Variants in PER1 observed in about 807,000 individuals in gnomAD.
The protein encoded by PER1 is period circadian protein homolog 1.
PER1 carries 87 observed loss-of-function variants against 125.9 expected under a neutral mutation model. That is an observed-to-expected ratio of 0.69 (90% CI 0.58 to 0.83). PER1 has a LOEUF of 0.83. PER1 is among the 40% of genes least tolerant of loss of function. The probability of loss-of-function intolerance (pLI) is 0.00; values close to 1 mark genes in which losing one functional copy is unlikely to be tolerated. For synonymous variants in PER1, 801 were observed against 714.7 expected, an observed-to-expected ratio of 1.12 and a Z score of -1.93; for missense variants, 1,775 against 1,722.8, an observed-to-expected ratio of 1.03 and a Z score of -0.54.
At position 8,142,313 on chromosome 17, in the gene PER1, G is replaced by A; in HGVS notation, c.3405C>T (p.Ala1135=). The A allele has an allele frequency of 1.2e-6, 2 of 1,612,640 alleles. No individual in the cohort carries two copies. Among genetic ancestry groups the A allele is most frequent in the Non-Finnish European group, 1.7e-6 (2 of 1,179,372 alleles). The stretch of plus-strand genomic sequence containing the variant: ...TCATCATGACGCGCTGGTCAGCATT[G>A]GCCATGAGCAGCCAAATGGGATCCT... ...VLQDPIWLLM[A]NADQRVMMTY... is the part of the protein sequence containing the mutation. The change falls in exon 21 of 23, where the codon GCC becomes GCT. Residue 1135 remains alanine, a synonymous_variant. Coordinates refer to ENST00000317276, the MANE Select transcript of PER1 (RefSeq NM_002616.3).
rs1982132712 is a variant in PER1, at chr17:8,142,319, G to A, written c.3399C>T (p.Leu1133=). The part of the protein sequence containing the change: ...KYVLQDPIWL[L]MANADQRVMM... ...TGACGCGCTGGTCAGCATTGGCCAT[G>A]AGCAGCCAAATGGGATCCTGGAGCA... Residue 1133 remains leucine, a synonymous_variant, in exon 21 of 23, where the codon CTC becomes CTT. Transcript: ENST00000317276. The A allele has an allele frequency of 6.2e-7, 1 of 1,613,042 alleles. No individual in the cohort carries two copies. Among genetic ancestry groups the A allele is most frequent in the Non-Finnish European group, 8.5e-7 (1 of 1,179,592 alleles).
chr17:8,144,804 C>A lies in PER1; in HGVS notation c.2408G>T (p.Arg803Met). 6.3e-7 allele frequency: 1 copy of A among 1,585,300 alleles called. No individual in the cohort carries two copies. Among genetic ancestry groups the A allele is most frequent in the Non-Finnish European group, 8.6e-7 (1 of 1,165,212 alleles). Residue 803 changes from arginine to methionine, a missense_variant, in exon 18 of 23, where the codon AGG becomes ATG. Arg to Met is a moderately conservative substitution (Grantham distance 91, BLOSUM62 -1). Transcript: ENST00000317276. ...GGAAGAGCTGTCGAGTCCACGCAGC[C>A]TGCCCAGGTCTCGGAAGCGGCTGAG... ...AFLSRFRDLGRLRGLDSSSTA... is the reference protein window; with the variant it reads ...AFLSRFRDLGMLRGLDSSSTA...
intron 17 of PER1, 130 bp from the exon 18 acceptor site, chr17:8,145,123 A>G (rs1982349556): frequency 6.8e-6 from 7 of 1,028,136 alleles, no homozygotes; most frequent in Middle Eastern, 6.9e-4. Context: ...CCTGGTCTCC[A>G]TGTACGTTTC....
intron 12 of PER1, 29 bp from the exon 13 acceptor site, chr17:8,147,410 G>A (rs548884682): frequency 6.2e-7 from 1 of 1,613,130 alleles, no homozygotes; most frequent in African/African-American, 1.3e-5. Context: ...AGGTTAGATG[G>A]CTTGACCCGG....
Position 8,141,289 on chromosome 17 carries a change from G to A in PER1, c.3652C>T (p.Pro1218Ser). The change falls in exon 23 of 23, where the codon CCA becomes TCA. Residue 1218 changes from proline to serine, a missense_variant. By Grantham distance (74) the Pro-to-Ser change is moderately conservative. Transcript: ENST00000317276. ...AGTCCATCCAGCTCTGAGAAGAGTG[G>A]GTCATCAGGGTGACCAGGATCTTGG... ...STQDPGHPDD[P>S]LFSELDGLGL... The A allele has an allele frequency of 6.2e-7, 1 of 1,613,856 alleles. No homozygotes were observed. The highest frequency in any genetic ancestry group is 1.1e-5 in the South Asian group (1 of 91,084).
Position 8,143,307 on chromosome 17 carries a change from G to A in PER1, c.3031C>T (p.Pro1011Ser). The change falls in exon 19 of 23, where the codon CCA becomes TCA. Residue 1011 changes from proline to serine, a missense_variant. Physicochemically the swap from Pro to Ser is moderately conservative, Grantham distance 74. Coordinates refer to ENST00000317276, the MANE Select transcript of PER1 (RefSeq NM_002616.3). The stretch of plus-strand genomic sequence containing the variant: ...TCAGCAGCCTCCGCACTGGGAGGTG[G>A]GGGCCCGGCACTGCTCCCAGGGCCT... The part of the protein sequence containing the change: ...AGGPGSSAGP[P>S]PPSAEAAEPE... 2 of 1,587,258 alleles carry A rather than the reference G, an allele frequency of 1.3e-6. No individual in the cohort carries two copies.
At chr17:8,146,793 A>G (rs1982476467) in intron 14 of PER1, 28 bp from the exon 15 acceptor site, 2 of 1,607,676 alleles carry the variant, frequency 1.2e-6, no homozygotes, top group Non-Finnish European at 1.7e-6. Context: ...AGAGGAAAAT[A>G]GCCTTCTCAA....
In PER1 at chr17:8,150,118, G is replaced by C. The variant is rs1185978972; in HGVS notation, c.382C>G (p.Gln128Glu). ...TTCTGAGTCCTTGCCCGGGCTGACT[G>C]TTCACTGCTGCGGGGCCCACAGGGA... The part of the protein sequence containing the change: ...NPSTSGCSSE[Q>E]SARARTQKEL... Residue 128 changes from glutamine to glutamate, a missense_variant, in exon 4 of 23, where the codon CAG (glutamine) becomes GAG (glutamate). Coordinates refer to ENST00000317276, the MANE Select transcript of PER1 (RefSeq NM_002616.3). 1 of 1,613,968 alleles carries C rather than the reference G, an allele frequency of 6.2e-7. No individual in the cohort carries two copies. Among genetic ancestry groups the C allele is most frequent in the African/African-American group, 1.3e-5 (1 of 74,946 alleles).
intron 14 of PER1, 55 bp downstream of exon 14, chr17:8,146,839 TGAA>T: frequency 6.2e-7 from 1 of 1,604,202 alleles, no homozygotes; most frequent in Non-Finnish European, 8.5e-7. Context: ...GGGTTGGGGG[TGAA>T]GGTCAGGGGA....
rs751022876 is a variant in PER1 at position 8,149,831 on chromosome 17, G to A, written c.575C>T (p.Pro192Leu). The change falls in exon 5 of 23, where the codon CCT becomes CTT. Residue 192 changes from proline to leucine, a missense_variant. Pro to Leu is a moderately conservative substitution (Grantham distance 98). Coordinates refer to ENST00000317276, the MANE Select transcript of PER1 (RefSeq NM_002616.3). ...YQQWSLEEGE[P>L]CSMDMSTYTL... is the part of the protein sequence containing the mutation. ...ATAGGTGGACATGTCCATGGAGCAA[G>A]GCTCGCCCTCCTCCAGGCTCCACTG... 1 of 1,614,050 alleles carries A rather than the reference G, an allele frequency of 6.2e-7. No individual in the cohort carries two copies. Among genetic ancestry groups the A allele is most frequent in the South Asian group, 1.1e-5 (1 of 91,084 alleles).
rs1357540847 is a variant in PER1, at chr17:8,144,952, G to A, written c.2260C>T (p.Pro754Ser). 6.6e-6 allele frequency: 10 copies of A among 1,512,340 alleles called. No individual in the cohort carries two copies. The highest frequency in any genetic ancestry group is 1.4e-5 in the African/African-American group (1 of 71,588). 93.7% of individuals were successfully genotyped at this position (1,512,340 alleles called of 1,614,324 possible). ...GGGCTGGGGGCTGGGCTGGGGGCTG[G>A]GCCTGGGGCTAGGCCAGGCAGGTCC... ...MEDLPGLAPG[P>S]APSPAPSPTV... The change falls in exon 18 of 23, where the codon CCA (proline) becomes TCA (serine). Residue 754 changes from proline to serine, a missense_variant. Physicochemically the swap from Pro to Ser is moderately conservative, Grantham distance 74. Coordinates refer to ENST00000317276, the MANE Select transcript of PER1 (RefSeq NM_002616.3).
Position 8,147,988 on chromosome 17 carries a change from G to A in PER1, c.1234+9C>T, listed in dbSNP as rs769448171. The A allele has an allele frequency of 1.8e-5, 29 of 1,608,628 alleles. No homozygotes were observed. The highest frequency in any genetic ancestry group is 2.5e-5 in the Non-Finnish European group (29 of 1,176,790). On this transcript the variant is annotated intron_variant, in intron 10 of 22. Coordinates refer to ENST00000317276, the MANE Select transcript of PER1 (RefSeq NM_002616.3). ...AGTGGGAAGGGCGAGCAGGGCGAGAGGAACTCACTCTTCTTGTGGATAGCC... is the reference window on the plus strand; with the variant it reads ...AGTGGGAAGGGCGAGCAGGGCGAGAAGAACTCACTCTTCTTGTGGATAGCC...
In PER1 at chr17:8,149,251, T is replaced by A. The variant is rs774657459; in HGVS notation, c.905+8A>T. On this transcript the variant is annotated splice_region_variant and intron_variant, in intron 7 of 22. Transcript: ENST00000317276. The stretch of plus-strand genomic sequence containing the variant: ...AGGCAGAGGTCTTCTCCAGTTCCCC[T>A]CACCTACCTGATACGGCAGAAGACG... The A allele has an allele frequency of 6.2e-7, 1 of 1,611,192 alleles. No homozygotes were observed. The highest frequency in any genetic ancestry group is 1.3e-5 in the African/African-American group (1 of 74,758).
chr17:8,149,463 T>C lies in PER1; in HGVS notation c.852A>G (p.Ala284=). 1 of 1,611,976 alleles carries C rather than the reference T, an allele frequency of 6.2e-7. No homozygotes were observed. The highest frequency in any genetic ancestry group is 8.5e-7 in the Non-Finnish European group (1 of 1,178,452). The change falls in exon 6 of 23, where the codon GCA becomes GCG. Residue 284 remains alanine, a splice_region_variant and synonymous_variant. Transcript: ENST00000317276. ...CCCCACAGCGCTTGGGCACCTCACC[T>C]GCTGAGGCCCCTGTGCCCCAGGTGG... ...RLPTWGTGAS[A]GSGLRDFTQE... is the part of the protein sequence containing the mutation.
In PER1 at chr17:8,148,716, G is replaced by A. The variant is rs779516718; in HGVS notation, c.976C>T (p.Arg326Trp). Residue 326 changes from arginine (R) to tryptophan (W), a missense_variant, in exon 8 of 23, where the codon CGG becomes TGG. By Grantham distance (101) the Arg-to-Trp change is moderately radical. Transcript: ENST00000317276. ...FRLTPYVTKI[R>W]VSDGAPAQPC... Reference sequence around the variant, plus strand: ...TGTGCAGGGGCCCCATCTGAGACCCGGATCTTGGTCACATACGGGGTTAGG... The same window carrying A: ...TGTGCAGGGGCCCCATCTGAGACCCAGATCTTGGTCACATACGGGGTTAGG... 30 of 1,613,706 alleles carry A rather than the reference G, an allele frequency of 1.9e-5. No homozygotes were observed. The highest frequency in any genetic ancestry group is 2.7e-5 in the African/African-American group (2 of 74,898).
chr17:8,146,140 G>A lies in PER1; in HGVS notation c.2039-3C>T, dbSNP rs1025951656. On this transcript the variant is annotated splice_region_variant and splice_polypyrimidine_tract_variant and intron_variant, in intron 16 of 22. Transcript: ENST00000317276. ...AGACAGCGCTGCTGACGGCGGATCT[G>A]TGCAGAGAGATGGTGCCAGTTACCA... is the stretch of plus-strand genomic sequence containing the variant. 2 of 1,585,886 alleles carry A rather than the reference G, an allele frequency of 1.3e-6. No individual in the cohort carries two copies. Among genetic ancestry groups the A allele is most frequent in the African/African-American group, 1.3e-5 (1 of 74,156 alleles).
rs1982533911 is a variant in PER1, at chr17:8,147,525, G to A, written c.1442C>T (p.Ser481Phe). 1.9e-6 allele frequency: 3 copies of A among 1,613,904 alleles called. No homozygotes were observed. The highest frequency in any genetic ancestry group is 2.5e-6 in the Non-Finnish European group (3 of 1,179,914). Residue 481 changes from serine to phenylalanine, a missense_variant, in exon 12 of 23, where the codon TCC (serine) becomes TTC (phenylalanine). Transcript: ENST00000317276. ...CAGCTCCTGGATATCAGTGTCCAGG[G>A]AGGGAGCTGGGCTGGGGGCCGGGGG... ...FTPPAPSPAP[S>F]LDTDIQELSE...
Position 8,142,672 on chromosome 17 carries a change from C to G in PER1, c.3236G>C (p.Gly1079Ala). 6.2e-7 allele frequency: 1 copy of G among 1,613,964 alleles called. No individual in the cohort carries two copies. The highest frequency in any genetic ancestry group is 1.3e-5 in the African/African-American group (1 of 75,052). The change falls in exon 20 of 23, where the codon GGC becomes GCC. Residue 1079 changes from glycine (G) to alanine (A), a missense_variant. By Grantham distance (60) the Gly-to-Ala change is moderately conservative. Transcript: ENST00000317276. Reference protein sequence around the residue: ...SGSGSGSHEGGSTSASITRSS... With the variant: ...SGSGSGSHEGASTSASITRSS... ...ACGAGTGATGCTGGCTGAGGTGCTG[C>G]CCCCTTCATGGGAGCCTGAACCAGA... is the stretch of plus-strand genomic sequence containing the variant.
At position 8,141,817 on chromosome 17, in the gene PER1, A is replaced by T. The variant is rs1982097463; in HGVS notation, c.3588T>A (p.Ala1196=). The change falls in exon 22 of 23, where the codon GCT becomes GCA. Residue 1196 remains alanine (A), a synonymous_variant. Coordinates refer to ENST00000317276, the MANE Select transcript of PER1 (RefSeq NM_002616.3). ...SWVRKGQLPR[A]LDVMACVDCG... ...AGGCTTCTCTCACCATCACATCAAG[A>T]GCCCGAGGCAGTTGGCCCTTCCGGA... 2 of 1,608,090 alleles carry T rather than the reference A, an allele frequency of 1.2e-6. No individual in the cohort carries two copies.
Sources: gnomAD v4.1 joint callset for allele counts on GRCh38, gnomAD v4.1.1 for gene constraint, MANE v1.5 for transcripts, NCBI Gene and HGNC (gene_info 2026-07-23, HGNC 2026-07-21) for gene names.